The following CFAP299 variants were observed in gnomAD, a reference collection of about 807,000 sequenced individuals.
CFAP299 encodes the protein cilia and flagella associated protein 299.
CFAP299 carries 21 observed loss-of-function variants against 27.0 expected under a neutral mutation model. The observed-to-expected ratio is 0.78, with a 90% CI of 0.55 to 1.12. The LOEUF (loss-of-function observed/expected upper bound fraction) is 1.12, where lower values mean the gene tolerates loss of function less well. Among genes scored for constraint, CFAP299 ranks in the 50% most tolerant of loss-of-function variants. The probability of loss-of-function intolerance (pLI) is 0.00; values close to 1 mark genes in which losing one functional copy is unlikely to be tolerated. For synonymous variants in CFAP299, 104 were observed against 98.1 expected (o/e 1.06, Z -0.36); for missense variants, 310 against 276.6 (o/e 1.12, Z -0.86).
At chr4:80,749,652 A>G (rs1724822352) in intron 3 of CFAP299, among the ~76,000 whole-genome samples, 1 of 152,232 alleles carries the variant, frequency 6.6e-6, no homozygotes. Flanking sequence ...CCAAGAGTCC[A>G]AAAGCCGAAG....
At chr4:80,880,459 T>C (rs149049910) in intron 4 of CFAP299, among the ~76,000 whole-genome samples, 159 of 152,144 alleles carry the variant, frequency 1.0e-3, no homozygotes, top group African/African-American at 3.5e-3. Flanking sequence ...CGTCCAGGTG[T>C]AGTGGCTCAC....
intron 3 of CFAP299, among the ~76,000 whole-genome samples, chr4:80,605,416 A>T (rs10034974): frequency 0.62 from 94,337 of 152,060 alleles, 33,310 homozygotes; most frequent in Non-Finnish European, 0.78. Context: ...ATAAAAAGAC[A>T]CTAATACATT....
chr4:80,388,623 C>G, intron 2 of CFAP299: 1 of 1,394,162 alleles, frequency 7.2e-7, no homozygotes, highest in South Asian at 1.2e-5. Flanking sequence ...CCTCTGGGAT[C>G]AGGGACTGCT....
At chr4:80,417,798 G>A (rs1398316562) in intron 2 of CFAP299, among the ~76,000 whole-genome samples, 2 of 151,840 alleles carry the variant, frequency 1.3e-5, no homozygotes, top group Non-Finnish European at 2.9e-5. Flanking sequence ...ACATGTATAC[G>A]TATATGTACA....
chr4:80,739,323 C>G (rs1164489151), intron 3 of CFAP299, among the ~76,000 whole-genome samples: 2 of 152,106 alleles, frequency 1.3e-5, no homozygotes, highest in Non-Finnish European at 2.9e-5. Context: ...TATGAACTCT[C>G]TTTAGCCTTT....
chr4:80,427,150 A>G (rs1182519975), intron 2 of CFAP299, among the ~76,000 whole-genome samples: 2 of 152,202 alleles, frequency 1.3e-5, no homozygotes, highest in East Asian at 3.9e-4. Flanking sequence ...ATTTTTCTGT[A>G]TTCATATAAC....
intron 2 of CFAP299, among the ~76,000 whole-genome samples, chr4:80,368,139 G>C (rs953072315): frequency 2.6e-5 from 4 of 152,216 alleles, no homozygotes; most frequent in Non-Finnish European, 5.9e-5. Context: ...ATCGGAATAA[G>C]TGGTAGCCCT....
At chr4:80,335,564 C>T (rs1018213151), upstream of CFAP299, among the ~76,000 whole-genome samples, 8 of 152,146 alleles carry the variant, frequency 5.3e-5, no homozygotes, top group Non-Finnish European at 8.8e-5. Context: ...GGATGGGTAT[C>T]CGACCTGAAC....
chr4:80,900,722 A>G (rs1330544647), intron 4 of CFAP299, among the ~76,000 whole-genome samples: 1 of 151,968 alleles, frequency 6.6e-6, no homozygotes, highest in Non-Finnish European at 1.5e-5. Context: ...AGAAAATACA[A>G]TTTAGTAGGA....
At chr4:80,386,437 C>G in intron 2 of CFAP299, 1 of 1,544,632 alleles carries the variant, frequency 6.5e-7, no homozygotes, top group South Asian at 1.2e-5. Flanking sequence ...CCCAGCGGGT[C>G]AGGCAAGGGG....
At chr4:80,521,972 T>C (rs1732936601) in intron 2 of CFAP299, among the ~76,000 whole-genome samples, 1 of 152,100 alleles carries the variant, frequency 6.6e-6, no homozygotes, top group African/African-American at 2.4e-5. Flanking sequence ...CAATTGTTTT[T>C]TGAAAATACA....
chr4:80,444,895 A>G (rs1036908709), intron 2 of CFAP299, among the ~76,000 whole-genome samples: 1 of 152,214 alleles, frequency 6.6e-6, no homozygotes, highest in African/African-American at 2.4e-5. Flanking sequence ...AAAAGAAGAC[A>G]TTTTTGCTGC....
intron 3 of CFAP299, among the ~76,000 whole-genome samples, chr4:80,633,849 T>C (rs1343977307): frequency 2.0e-5 from 3 of 152,190 alleles, no homozygotes; most frequent in African/African-American, 7.2e-5. Context: ...ATAGTCTTAA[T>C]TAGAACCTTT....
At position 80,400,630 on chromosome 4, in the gene CFAP299, A is replaced by G. The variant is rs557263063; in HGVS notation, c.242+37746A>G. ...CCTCCCCAGTGGAATTGTCCGTCCA[A>G]TTAAACCCCTTTTTTCTTCCCAGTC... On this transcript the variant is annotated intron_variant, in intron 2 of 5. Coordinates refer to ENST00000358105, the MANE Select transcript of CFAP299 (RefSeq NM_152770.3). 2.8e-4 allele frequency among the ~76,000 whole-genome samples: 42 copies of G among 152,252 alleles called. 1 individual carries two copies. The highest frequency in any genetic ancestry group is 9.4e-4 in the African/African-American group (39 of 41,556).
chr4:80,807,135 G>A (rs1167892443), intron 3 of CFAP299, among the ~76,000 whole-genome samples: 1 of 151,906 alleles, frequency 6.6e-6, no homozygotes, highest in South Asian at 2.1e-4. Context: ...TTAAAGAAAT[G>A]ATTTTTTTCT....
At chr4:80,888,828 A>G (rs1357227332) in intron 4 of CFAP299, among the ~76,000 whole-genome samples, 2 of 151,992 alleles carry the variant, frequency 1.3e-5, no homozygotes, top group Admixed American at 6.6e-5. Flanking sequence ...ATTTTTGGAA[A>G]CTATACAAAC....
At chr4:80,385,584 G>A (rs897187315) in intron 2 of CFAP299, among the ~76,000 whole-genome samples, 2 of 152,122 alleles carry the variant, frequency 1.3e-5, no homozygotes, top group Non-Finnish European at 2.9e-5. Context: ...GCTCAGAGGG[G>A]TGAAGTGACT....
intron 3 of CFAP299, among the ~76,000 whole-genome samples, chr4:80,734,068 A>G (rs1382776940): frequency 1.3e-5 from 2 of 152,090 alleles, no homozygotes; most frequent in African/African-American, 4.8e-5. Flanking sequence ...GGTTGTACTA[A>G]TTTATATTCC....
intron 3 of CFAP299, among the ~76,000 whole-genome samples, chr4:80,810,365 C>A (rs1188875903): frequency 6.6e-6 from 1 of 151,758 alleles, no homozygotes; most frequent in African/African-American, 2.4e-5. Context: ...CACACACACA[C>A]ACACACACAT....
Sources: gnomAD v4.1 joint callset for allele counts (sites outside exome capture counted in the v4.1 genomes callset) on GRCh38, gnomAD v4.1.1 for gene constraint, MANE v1.5 for transcripts, NCBI Gene and HGNC (gene_info 2026-07-23, HGNC 2026-07-21) for gene names.